The following FOXP1 variants were observed in gnomAD, a reference collection of about 807,000 sequenced individuals.
FOXP1 encodes the protein forkhead box P1, also known as forkhead box protein P1.
FOXP1 carries 15 observed loss-of-function variants against 98.2 expected under a neutral mutation model. That is an observed-to-expected ratio of 0.15 (90% CI 0.10 to 0.24). FOXP1 has a LOEUF of 0.24. Among genes scored for constraint, FOXP1 ranks in the 10% least tolerant of loss-of-function variants. The probability of loss-of-function intolerance (pLI) is 1.00; values close to 1 mark genes in which losing one functional copy is unlikely to be tolerated. For synonymous variants in FOXP1, 371 were observed against 314.5 expected (o/e 1.18, Z -1.90); for missense variants, 633 against 848.5 (o/e 0.75, Z 3.15).
chr3:71,214,162 T>C (rs6791702), intron 5 of FOXP1, among the ~76,000 whole-genome samples: 128,358 of 152,232 alleles, frequency 0.84, 54,137 homozygotes, highest in South Asian at 0.9. Context: ...GGGGCCCCTT[T>C]GCACAGAGAT....
chr3:71,421,672 G>T (rs1465709218), intron 3 of FOXP1, among the ~76,000 whole-genome samples: 1 of 152,120 alleles, frequency 6.6e-6, no homozygotes, highest in Non-Finnish European at 1.5e-5. Context: ...GAAACAGAGG[G>T]GCCGCTGGTC....
chr3:71,446,544 C>T (rs1445821086), intron 3 of FOXP1, among the ~76,000 whole-genome samples: 3 of 88,856 alleles, frequency 3.4e-5, no homozygotes, highest in African/African-American at 9.5e-5. Context: ...CTGCCACACA[C>T]TGAAAAAAAA....
chr3:71,234,211 C>CT (rs2066582522), intron 5 of FOXP1, among the ~76,000 whole-genome samples: 1 of 151,850 alleles, frequency 6.6e-6, no homozygotes, highest in African/African-American at 2.4e-5. Context: ...AACCAAAAAT[C>CT]TTTTTGGATA....
At chr3:70,999,417 T>C (rs1246022642) in intron 13 of FOXP1, among the ~76,000 whole-genome samples, 2 of 152,220 alleles carry the variant, frequency 1.3e-5, no homozygotes, top group Admixed American at 1.3e-4. Context: ...GGGCTGTGTC[T>C]TAATCATAAA....
chr3:71,410,028 A>G (rs2082622330), intron 3 of FOXP1, among the ~76,000 whole-genome samples: 1 of 152,122 alleles, frequency 6.6e-6, no homozygotes, highest in Non-Finnish European at 1.5e-5. Context: ...ACCAACAACA[A>G]CAGCAACAAC....
chr3:70,969,330 TAAAAG>T (rs572756715), intron 19 of FOXP1: 10 of 152,280 alleles, frequency 6.6e-5, no homozygotes, highest in Admixed American at 4.6e-4. Context: ...TACAAGTAAT[TAAAAG>T]AAACGCAGAA....
intron 5 of FOXP1, among the ~76,000 whole-genome samples, chr3:71,226,636 ACT>A (rs1286879305): frequency 6.8e-6 from 1 of 146,530 alleles, no homozygotes; most frequent in Non-Finnish European, 1.5e-5. Context: ...AATCTCTTTC[ACT>A]CTGTCTCACC....
chr3:71,396,799 A>C (rs1365681237), intron 3 of FOXP1, among the ~76,000 whole-genome samples: 1 of 149,670 alleles, frequency 6.7e-6, no homozygotes, highest in East Asian at 2.0e-4. Context: ...TCTCACACCC[A>C]CGAATACAGC....
At chr3:71,493,152 C>T (rs941683192) in intron 3 of FOXP1, among the ~76,000 whole-genome samples, 2 of 152,106 alleles carry the variant, frequency 1.3e-5, no homozygotes, top group African/African-American at 4.8e-5. Context: ...ACTCATTCAA[C>T]GTTGCACATG....
intron 7 of FOXP1, among the ~76,000 whole-genome samples, chr3:71,072,335 A>C (rs1464474924): frequency 2.6e-5 from 4 of 152,222 alleles, no homozygotes; most frequent in Non-Finnish European, 4.4e-5. Flanking sequence ...TCTACAATGA[A>C]TGAATGAATG....
At chr3:71,434,039 A>G (rs1206148253) in intron 3 of FOXP1, among the ~76,000 whole-genome samples, 2 of 152,238 alleles carry the variant, frequency 1.3e-5, no homozygotes, top group Admixed American at 6.5e-5. Flanking sequence ...GAATGTGTCT[A>G]CTACACAAAT....
intron 3 of FOXP1, among the ~76,000 whole-genome samples, chr3:71,361,823 A>G (rs1346596059): frequency 6.6e-6 from 1 of 152,200 alleles, no homozygotes; most frequent in African/African-American, 2.4e-5. Context: ...CTTAGCTTCC[A>G]TTTGTCTGAT....
intron 3 of FOXP1, among the ~76,000 whole-genome samples, chr3:71,395,192 G>A (rs1223438962): frequency 4.0e-5 from 6 of 149,778 alleles, no homozygotes; most frequent in African/African-American, 1.5e-4. Flanking sequence ...CTGTTTCACT[G>A]ATTCTATTAT....
chr3:71,552,615 G>A (rs548455681), intron 2 of FOXP1, among the ~76,000 whole-genome samples: 1 of 151,930 alleles, frequency 6.6e-6, no homozygotes, highest in African/African-American at 2.4e-5. Flanking sequence ...AAGTTTTAAA[G>A]TCAAATAGGG....
intron 6 of FOXP1, among the ~76,000 whole-genome samples, chr3:71,140,588 T>C (rs2060019886): frequency 6.6e-6 from 1 of 152,244 alleles, no homozygotes. Context: ...ATGTCAGGCA[T>C]TTGTATTCGC....
chr3:71,158,224 AAGACAGAAGAG>A (rs1037327334), intron 6 of FOXP1, among the ~76,000 whole-genome samples: 3 of 151,662 alleles, frequency 2.0e-5, no homozygotes, highest in Non-Finnish European at 4.4e-5. Context: ...AGAAAAAAGA[AAGACAGAAGAG>A]AGACAGAAAG....
chr3:71,196,713 T>A (rs1344775443), intron 6 of FOXP1, among the ~76,000 whole-genome samples: 2 of 152,190 alleles, frequency 1.3e-5, no homozygotes, highest in African/African-American at 4.8e-5. Context: ...CGGAGACCCT[T>A]TTACTATCTA....
intron 2 of FOXP1, among the ~76,000 whole-genome samples, chr3:71,550,899 T>C (rs995322278): frequency 1.3e-5 from 2 of 152,240 alleles, no homozygotes; most frequent in African/African-American, 4.8e-5. Flanking sequence ...GAAGGCACTC[T>C]CTGCGGCTCC....
chr3:71,175,123 A>C (rs2061867849), intron 6 of FOXP1, among the ~76,000 whole-genome samples: 1 of 152,144 alleles, frequency 6.6e-6, no homozygotes, highest in Non-Finnish European at 1.5e-5. Context: ...TATATTGGCC[A>C]GGCTGGTCTC....
Sources: allele counts gnomAD v4.1 joint callset (sites outside exome capture counted in the v4.1 genomes callset), GRCh38; gene constraint gnomAD v4.1.1; transcripts MANE v1.5; gene names NCBI Gene and HGNC (gene_info 2026-07-23, HGNC 2026-07-21).